The following LCP1 variants were observed in gnomAD, a reference collection of about 807,000 sequenced individuals.
The protein encoded by LCP1 is plastin-2.
In LCP1, 23 loss-of-function variants were observed where a neutral mutation model predicts 72.0. The observed-to-expected ratio is 0.32, with a 90% CI of 0.23 to 0.45. LCP1 has a LOEUF of 0.45. Ranked by LOEUF, LCP1 falls within the 20% of genes least tolerant of loss-of-function variation. The pLI is 1.00. For missense variants in LCP1, 571 were observed against 748.3 expected (o/e 0.76, Z 2.76); for synonymous variants, 245 against 275.4 (o/e 0.89, Z 1.09).
At chr13:46,140,966 G>A (rs1426539881) in intron 13 of LCP1, among the ~76,000 whole-genome samples, 3 of 152,166 alleles carry the variant, frequency 2.0e-5, no homozygotes, top group Non-Finnish European at 4.4e-5. Context: ...AACTTTGAAC[G>A]ATCAAATATA....
intron 6 of LCP1, among the ~76,000 whole-genome samples, chr13:46,154,480 T>TA (rs2138253941): frequency 6.6e-6 from 1 of 152,322 alleles, no homozygotes; most frequent in African/African-American, 2.4e-5. Context: ...GAAAGGCTTA[T>TA]GTTTTCATCT....
At chr13:46,157,506 G>A (rs983779624) in intron 4 of LCP1, among the ~76,000 whole-genome samples, 1 of 152,024 alleles carries the variant, frequency 6.6e-6, no homozygotes, top group African/African-American at 2.4e-5. Flanking sequence ...CTCAAGTTAT[G>A]TCTTCACAGC....
intron 15 of LCP1, among the ~76,000 whole-genome samples, chr13:46,129,434 C>T (rs573825837): frequency 1.3e-5 from 2 of 152,140 alleles, no homozygotes; most frequent in Non-Finnish European, 2.9e-5. Flanking sequence ...CTCTCTCCTT[C>T]ACCTGTCTAC....
chr13:46,157,112 G>A (rs770376917), intron 4 of LCP1, among the ~76,000 whole-genome samples: 5 of 151,524 alleles, frequency 3.3e-5, no homozygotes, highest in Admixed American at 6.6e-5. Context: ...GAGCCACCGC[G>A]CCCGGCCAAA....
chr13:46,144,557 A>G (rs1385314019), intron 10 of LCP1, 37 bp from the exon 11 acceptor site: 7 of 1,470,798 alleles, frequency 4.8e-6, no homozygotes, highest in Non-Finnish European at 6.7e-6. Flanking sequence ...TTGGGACCGA[A>G]GAAAACATAG....
At chr13:46,164,434 G>T (rs966665386) in intron 1 of LCP1, among the ~76,000 whole-genome samples, 2 of 152,066 alleles carry the variant, frequency 1.3e-5, no homozygotes, top group Non-Finnish European at 2.9e-5. Context: ...AACCACAGCA[G>T]GTAGGTCAAG....
At chr13:46,148,293 G>A (rs2045742584) in intron 9 of LCP1, 59 bp downstream of exon 9, 17 of 1,225,204 alleles carry the variant, frequency 1.4e-5, no homozygotes, top group Non-Finnish European at 2.0e-5. Flanking sequence ...CAAGGTAATG[G>A]AACTGCCAAC....
chr13:46,157,281 C>G (rs1429881893), intron 4 of LCP1, among the ~76,000 whole-genome samples: 1 of 151,376 alleles, frequency 6.6e-6, no homozygotes, highest in Non-Finnish European at 1.5e-5. Context: ...CATATAAATA[C>G]AAATGTGGTA....
At chr13:46,174,106 G>GTACAGCAGACATTTGTA (rs1407708379) in intron 1 of LCP1, among the ~76,000 whole-genome samples, 1 of 152,132 alleles carries the variant, frequency 6.6e-6, no homozygotes, top group African/African-American at 2.4e-5. Context: ...GTGAGACAAT[G>GTACAGCAGACATTTGTA]TACAGCAGAC....
intron 6 of LCP1, among the ~76,000 whole-genome samples, chr13:46,153,711 A>AG (rs1208167750): frequency 2.0e-5 from 3 of 152,044 alleles, no homozygotes; most frequent in Non-Finnish European, 2.9e-5. Flanking sequence ...CAAAAAAAAA[A>AG]AAAAAGAAAA....
intron 15 of LCP1, among the ~76,000 whole-genome samples, chr13:46,129,278 T>C (rs2045619934): frequency 6.6e-6 from 1 of 152,222 alleles, no homozygotes; most frequent in Non-Finnish European, 1.5e-5. Flanking sequence ...AGTTGGACTT[T>C]GAATCTCAGC....
intron 13 of LCP1, among the ~76,000 whole-genome samples, chr13:46,138,793 C>T (rs530933985): frequency 3.9e-5 from 6 of 152,162 alleles, no homozygotes; most frequent in Non-Finnish European, 5.9e-5. Context: ...ACTACAGGCA[C>T]GCACCAGCAT....
chr13:46,144,368 T>C (rs117279481), intron 11 of LCP1, 74 bp downstream of exon 11: 28,132 of 1,126,818 alleles, frequency 0.025, 541 homozygotes, highest in South Asian at 0.059. Context: ...ATGCACATCA[T>C]AGTGGTATTT....
At chr13:46,127,935 G>A (rs1050704326) in intron 15 of LCP1, among the ~76,000 whole-genome samples, 4 of 151,868 alleles carry the variant, frequency 2.6e-5, no homozygotes, top group Non-Finnish European at 5.9e-5. Flanking sequence ...GGCTAGTCTC[G>A]TGATCATTAT....
chr13:46,154,925 T>C, intron 5 of LCP1, 39 bp from the exon 6 acceptor site: 2 of 1,484,124 alleles, frequency 1.3e-6, no homozygotes, highest in South Asian at 1.1e-5. Context: ...AGCAGTCTTC[T>C]GAATAACAGA....
chr13:46,158,029 A>G (rs896838704), intron 4 of LCP1, among the ~76,000 whole-genome samples: 3 of 152,178 alleles, frequency 2.0e-5, no homozygotes, highest in African/African-American at 7.2e-5. Flanking sequence ...GCCCGGCCTC[A>G]TGAGTTTATC....
chr13:46,180,818 GT>G (rs2045952505), intron 1 of LCP1, among the ~76,000 whole-genome samples: 1 of 152,066 alleles, frequency 6.6e-6, no homozygotes, highest in African/African-American at 2.4e-5. Flanking sequence ...CTCATTAATA[GT>G]TTTACTTAAA....
intron 4 of LCP1, among the ~76,000 whole-genome samples, chr13:46,157,042 G>A (rs1209845568): frequency 6.6e-6 from 1 of 151,640 alleles, no homozygotes; most frequent in Admixed American, 6.6e-5. Context: ...GGATGGTCTC[G>A]ATTTCCTGAC....
chr13:46,149,582 C>G (rs2045751347), intron 8 of LCP1, among the ~76,000 whole-genome samples: 1 of 152,218 alleles, frequency 6.6e-6, no homozygotes, highest in African/African-American at 2.4e-5. Context: ...TTAAAGACAT[C>G]TCCCAAGGTT....
Sources: allele counts gnomAD v4.1 joint callset (sites outside exome capture counted in the v4.1 genomes callset), GRCh38; gene constraint gnomAD v4.1.1; transcripts MANE v1.5; gene names NCBI Gene and HGNC (gene_info 2026-07-23, HGNC 2026-07-21).